PKHD1L1: variants seen among roughly 807,000 people sequenced by gnomAD.
PKHD1L1 encodes the protein fibrocystin-L.
In PKHD1L1, 434 loss-of-function variants were observed where a neutral mutation model predicts 462.9. The ratio of observed to expected loss-of-function variants is 0.94; its 90% CI spans 0.87 to 1.02. The LOEUF (loss-of-function observed/expected upper bound fraction) is 1.02. Ranked by LOEUF, PKHD1L1 falls within the 50% of genes least tolerant of loss-of-function variation. The probability of loss-of-function intolerance (pLI) is 0.00; values close to 1 mark genes in which losing one functional copy is unlikely to be tolerated. For missense variants in PKHD1L1, 5,202 were observed against 5,096.1 expected (o/e 1.02, Z -0.63); for synonymous variants, 1,781 against 1,750.0 (o/e 1.02, Z -0.44).
chr8:109,510,918 A>G lies in PKHD1L1; in HGVS notation c.11537A>G (p.Asn3846Ser), dbSNP rs1328019604. The G allele has an allele frequency of 1.9e-6, 3 of 1,612,924 alleles. No homozygotes were observed. Among genetic ancestry groups the G allele is most frequent in the East Asian group, 4.5e-5 (2 of 44,852 alleles). ...SPQNLRLMLL[N>S]VDHNKAVLVG... ...CAGAATCTTCGACTGATGTTGCTTA[A>G]TGTTGATCATAACAAGGTAGGGCAA... Residue 3846 changes from asparagine (N) to serine (S), a missense_variant, in exon 71 of 78, where the codon AAT becomes AGT. Physicochemically the swap from Asn to Ser is conservative, Grantham distance 46. Coordinates refer to ENST00000378402, the MANE Select transcript of PKHD1L1 (RefSeq NM_177531.6).
At chr8:109,428,533 T>C (rs1345787086) in intron 25 of PKHD1L1, among the ~76,000 whole-genome samples, 3 of 152,036 alleles carry the variant, frequency 2.0e-5, no homozygotes, top group Admixed American at 6.5e-5. Context: ...AAAATAGTAA[T>C]AGTCATAAGG....
Position 109,445,087 on chromosome 8 carries a change from A to G in PKHD1L1, c.5218A>G (p.Thr1740Ala), listed in dbSNP as rs1816050401. 1 of 1,613,848 alleles carries G rather than the reference A, an allele frequency of 6.2e-7. No homozygotes were observed. The highest frequency in any genetic ancestry group is 8.5e-7 in the Non-Finnish European group (1 of 1,179,900). The stretch of plus-strand genomic sequence containing the variant: ...GCCTGCCCAGTGCCAGGGAAACTGC[A>G]CCTTTTCATACTTAGAAAGCATCAC... ...GVPAQCQGNC[T>A]FSYLESITPY... Residue 1740 changes from threonine (T) to alanine (A), a missense_variant, in exon 38 of 78, where the codon ACC becomes GCC. Transcript: ENST00000378402.
In PKHD1L1 at chr8:109,362,519, G is replaced by A. The variant is rs899041813; in HGVS notation, c.-62G>A. ...CCAGCGAGTCGCAGTCCCAGGAGCC[G>A]AGCTCCAGCACTAGAGCCAGCTGCG... On this transcript the variant is annotated 5_prime_UTR_variant, in exon 1 of 78. Transcript: ENST00000378402. The A allele has an allele frequency of 3.1e-5, 46 of 1,479,504 alleles. No homozygotes were observed. The highest frequency in any genetic ancestry group is 2.5e-4 in the African/African-American group (18 of 71,584). The allele number at this position is 1,479,504 out of a possible 1,614,324, so 91.6% of individuals were successfully genotyped here.
Position 109,464,651 on chromosome 8 carries a change from C to T in PKHD1L1, c.7819C>T (p.Pro2607Ser), listed in dbSNP as rs868127607. The T allele has an allele frequency of 1.2e-6, 2 of 1,612,830 alleles. No individual in the cohort carries two copies. The highest frequency in any genetic ancestry group is 1.7e-6 in the Non-Finnish European group (2 of 1,179,784). Residue 2607 changes from proline (P) to serine (S), a missense_variant, in exon 49 of 78, where the codon CCC becomes TCC. Around this residue, in one of 3 missense-constraint regions of PKHD1L1, gnomAD observed 4,497 missense variants for 4,336.8 expected, o/e 1.04. Transcript: ENST00000378402. ...YDRNICQKRV[P>S]LGEFFNNTVH... is the part of the protein sequence containing the mutation. ...CAGAAACATTTGTCAAAAAAGAGTTCCCCTTGGCGAATTTTTTAACAATAC... is the reference window on the plus strand; with the variant it reads ...CAGAAACATTTGTCAAAAAAGAGTTTCCCTTGGCGAATTTTTTAACAATAC...
intron 70 of PKHD1L1, 137 bp from the exon 71 acceptor site, chr8:109,510,640 T>C: frequency 9.1e-7 from 1 of 1,102,528 alleles, no homozygotes; most frequent in Non-Finnish European, 1.3e-6. Flanking sequence ...TAACGGTGGA[T>C]GGGTAATAGG....
In PKHD1L1 at chr8:109,439,285, T is replaced by A. The variant is rs76212765; in HGVS notation, c.3956+193T>A. ...ACGCATAGTTTTGAGACCAATACCA[T>A]TCAGATCAGGTTGTAAAATTCTCTG... On this transcript the variant is annotated intron_variant, in intron 32 of 77. Coordinates refer to ENST00000378402, the MANE Select transcript of PKHD1L1 (RefSeq NM_177531.6). Among the ~76,000 whole-genome samples the A allele has an allele frequency of 3.7e-3, 568 of 152,292 alleles. 2 individuals are homozygous for A. The highest frequency in any genetic ancestry group is 6.8e-3 in the Middle Eastern group (2 of 294).
chr8:109,417,015 A>G (rs904839737), intron 21 of PKHD1L1, among the ~76,000 whole-genome samples: 1 of 152,152 alleles, frequency 6.6e-6, no homozygotes, highest in African/African-American at 2.4e-5. Context: ...TCAAGTCATC[A>G]CTTACCATAT....
chr8:109,443,850 A>G lies in PKHD1L1; in HGVS notation c.4739A>G (p.Glu1580Gly). The stretch of plus-strand genomic sequence containing the variant: ...ACTCCGTCCACTGGAACAGTAAATG[A>G]ACTAATAACAATTATTGGACATGGC... ...NITPSTGTVN[E>G]LITIIGHGFS... Residue 1580 changes from glutamate (E) to glycine (G), a missense_variant, in exon 37 of 78, where the codon GAA (glutamate) becomes GGA (glycine). Around this residue, in one of 3 missense-constraint regions of PKHD1L1, gnomAD observed 4,497 missense variants for 4,336.8 expected, o/e 1.04. Transcript: ENST00000378402. The G allele has an allele frequency of 6.2e-7, 1 of 1,613,876 alleles. No individual in the cohort carries two copies. The highest frequency in any genetic ancestry group is 8.5e-7 in the Non-Finnish European group (1 of 1,179,768).
intron 2 of PKHD1L1, among the ~76,000 whole-genome samples, chr8:109,369,585 A>G (rs1264253156): frequency 6.6e-6 from 1 of 152,022 alleles, no homozygotes; most frequent in Non-Finnish European, 1.5e-5. Context: ...GAACAGATCC[A>G]TGTTACGTAT....
intron 13 of PKHD1L1, among the ~76,000 whole-genome samples, chr8:109,401,180 A>G (rs1813253918): frequency 6.6e-6 from 1 of 152,086 alleles, no homozygotes; most frequent in South Asian, 2.1e-4. Flanking sequence ...TTTGTCAATA[A>G]CTACCTTTTT....
chr8:109,373,903 G>A (rs1054104512), intron 2 of PKHD1L1, among the ~76,000 whole-genome samples: 1 of 152,156 alleles, frequency 6.6e-6, no homozygotes, highest in South Asian at 2.1e-4. Flanking sequence ...TACATTTGCT[G>A]AGGAGTGCTT....
rs1339670308 is a variant in PKHD1L1 at position 109,406,231 on chromosome 8, G to A, written c.1670-104G>A. 8 of 1,144,546 alleles carry A rather than the reference G, an allele frequency of 7.0e-6. 1 individual carries two copies. The highest frequency in any genetic ancestry group is 5.0e-5 in the South Asian group (3 of 59,934). The allele number at this position is 1,144,546 out of a possible 1,614,324, so 70.9% of individuals were successfully genotyped here. ...GATAACTTACATGGTACAGAGTATA[G>A]GTGCTTTAAAAATATAAATACGAGA... On this transcript the variant is annotated intron_variant, in intron 16 of 77. Coordinates refer to ENST00000378402, the MANE Select transcript of PKHD1L1 (RefSeq NM_177531.6).
chr8:109,526,453 C>A (rs1820818254), intron 76 of PKHD1L1, among the ~76,000 whole-genome samples: 2 of 152,204 alleles, frequency 1.3e-5, no homozygotes. Context: ...ATTCAGCACC[C>A]TCACCTCTCT....
intron 63 of PKHD1L1, 123 bp downstream of exon 63, chr8:109,493,874 C>A: frequency 1.9e-6 from 1 of 538,398 alleles, no homozygotes; most frequent in Non-Finnish European, 3.2e-6. Context: ...ACTGAAATAA[C>A]TCAACAAGAT....
At chr8:109,521,492 A>G (rs1391776394) in intron 73 of PKHD1L1, among the ~76,000 whole-genome samples, 1 of 152,128 alleles carries the variant, frequency 6.6e-6, no homozygotes, top group Non-Finnish European at 1.5e-5. Context: ...TTGGTAATGG[A>G]TTAGATGTGG....
In PKHD1L1 at chr8:109,382,584, C is replaced by A; in HGVS notation, c.417+13C>A. ...ATGTACCTTCAACGTATGTAGGAAT[C>A]TTCTCTTCAGTTTATGTATAGTTGA... On this transcript the variant is annotated intron_variant, in intron 4 of 77. Coordinates refer to ENST00000378402, the MANE Select transcript of PKHD1L1 (RefSeq NM_177531.6). 6.3e-7 allele frequency: 1 copy of A among 1,594,784 alleles called. No homozygotes were observed. The highest frequency in any genetic ancestry group is 1.7e-4 in the Middle Eastern group (1 of 5,990).
At chr8:109,417,285 G>A (rs1814226426) in intron 21 of PKHD1L1, among the ~76,000 whole-genome samples, 4 of 151,870 alleles carry the variant, frequency 2.6e-5, no homozygotes, top group Admixed American at 2.6e-4. Flanking sequence ...GCATTGCATG[G>A]CTGTATCAAA....
rs1467589470 is a variant in PKHD1L1, at chr8:109,405,071, T to G, written c.1610T>G (p.Val537Gly). The G allele has an allele frequency of 3.9e-6, 6 of 1,524,064 alleles. No homozygotes were observed. In the South Asian group the frequency reaches 7.2e-5, roughly 18 times the overall value. The allele number at this position is 1,524,064 out of a possible 1,614,324, so 94.4% of individuals were successfully genotyped here. ...AAGATCAAGGTAACCAGCCCATGTG[T>G]GGAAGCTAATTCATGTTCACTTTAC... The part of the protein sequence containing the change: ...VQKIKVTSPC[V>G]EANSCSLYQY... Residue 537 changes from valine to glycine, a missense_variant, in exon 16 of 78, where the codon GTG (valine) becomes GGG (glycine). By Grantham distance (109) the Val-to-Gly change is moderately radical. Coordinates refer to ENST00000378402, the MANE Select transcript of PKHD1L1 (RefSeq NM_177531.6).
In PKHD1L1 at chr8:109,404,652, G is replaced by T. The variant is rs1813438471; in HGVS notation, c.1472G>T (p.Gly491Val). ...AATGTTTATACTGAACAACAAACAG[G>T]AGATGCAGTGAATGAAGAACAAGTT... is the stretch of plus-strand genomic sequence containing the variant. ...YRNVYTEQQT[G>V]DAVNEEQVIK... Residue 491 changes from glycine to valine, a missense_variant, in exon 15 of 78, where the codon GGA becomes GTA. Coordinates refer to ENST00000378402, the MANE Select transcript of PKHD1L1 (RefSeq NM_177531.6). 1 of 1,608,676 alleles carries T rather than the reference G, an allele frequency of 6.2e-7. No homozygotes were observed. The highest frequency in any genetic ancestry group is 8.5e-7 in the Non-Finnish European group (1 of 1,177,212).
Sources: allele counts gnomAD v4.1 joint callset (sites outside exome capture counted in the v4.1 genomes callset), GRCh38; gene constraint gnomAD v4.1.1; regional missense constraint gnomAD v4.1.1; transcripts MANE v1.5; gene names NCBI Gene and HGNC (gene_info 2026-07-23, HGNC 2026-07-21).